Variants in CPSF3 observed in about 807,000 individuals in gnomAD.
The protein encoded by CPSF3 is cleavage and polyadenylation specific factor 3.
Under a neutral mutation model 84.1 loss-of-function variants are expected in CPSF3, and 57 were observed. That is an observed-to-expected ratio of 0.68 (90% confidence interval 0.55 to 0.85). The LOEUF is 0.85. CPSF3 is among the 40% of genes least tolerant of loss of function. CPSF3 has a pLI of 0.00. For synonymous variants in CPSF3, 275 were observed against 278.1 expected (o/e 0.99, Z 0.11); for missense variants, 522 against 838.8 (o/e 0.62, Z 4.66).
intron 1 of CPSF3, 135 bp downstream of exon 1, chr2:9,423,958 G>A (rs1680223389): frequency 6.8e-7 from 1 of 1,460,752 alleles, no homozygotes; most frequent in Admixed American, 2.6e-5. Flanking sequence ...TTGCGGGCCA[G>A]GCTTCTCAGG....
chr2:9,456,899 G>C (rs767378214), intron 13 of CPSF3, 34 bp from the exon 14 acceptor site: 7 of 1,273,748 alleles, frequency 5.5e-6, no homozygotes, highest in South Asian at 5.2e-5. Flanking sequence ...TATCAGAAAA[G>C]TATATACATC....
At chr2:9,440,425 A>G (rs1680930390) in intron 7 of CPSF3, 66 bp from the exon 8 acceptor site, 1 of 1,290,642 alleles carries the variant, frequency 7.7e-7, no homozygotes. Context: ...TGTGTGTATC[A>G]TTTGTTATTT....
chr2:9,470,179 G>T (rs929126875), intron 16 of CPSF3, among the ~76,000 whole-genome samples: 1 of 152,160 alleles, frequency 6.6e-6, no homozygotes, highest in Non-Finnish European at 1.5e-5. Flanking sequence ...CCGAGATCGG[G>T]ACACTGCACT....
chr2:9,423,770 C>G lies in CPSF3; in HGVS notation c.-4C>G, dbSNP rs1680207741. The stretch of plus-strand genomic sequence containing the variant: ...CACCCCCGCTTCGCCCTCACACTTT[C>G]GGGATGTCTGCGATTCCTGCTGAGG... On this transcript the variant is annotated 5_prime_UTR_variant, in exon 1 of 18. Transcript: ENST00000238112. The G allele has an allele frequency of 6.2e-7, 1 of 1,613,520 alleles. No individual in the cohort carries two copies. Among genetic ancestry groups the G allele is most frequent in the African/African-American group, 1.3e-5 (1 of 74,908 alleles).
chr2:9,428,523 C>T (rs529697463), intron 1 of CPSF3, among the ~76,000 whole-genome samples: 3 of 152,310 alleles, frequency 2.0e-5, no homozygotes, highest in Admixed American at 2.0e-4. Flanking sequence ...GTACCGCCTT[C>T]TCTCTTAATT....
At chr2:9,435,806 C>T (rs1275437130) in intron 6 of CPSF3, among the ~76,000 whole-genome samples, 1 of 152,038 alleles carries the variant, frequency 6.6e-6, no homozygotes, top group African/African-American at 2.4e-5. Context: ...GATCTCGGCT[C>T]ACTGCAACCT....
Position 9,471,258 on chromosome 2 carries a change from C to G in CPSF3, c.1857-85C>G, listed in dbSNP as rs187697629. ...GTAAATACAGTATTCTGCTTTAGAACTAGGACCTATCTTCAGTTTTATTTT... is the reference window on the plus strand; with the variant it reads ...GTAAATACAGTATTCTGCTTTAGAAGTAGGACCTATCTTCAGTTTTATTTT... On this transcript the variant is annotated intron_variant, in intron 16 of 17. Coordinates refer to ENST00000238112, the MANE Select transcript of CPSF3 (RefSeq NM_016207.4). The G allele has an allele frequency of 8.6e-5, 70 of 812,898 alleles. 1 individual carries two copies. The African/African-American group carries it at 8.9e-4, about 10-fold the overall frequency. 50.4% of individuals were successfully genotyped at this position (812,898 alleles called of 1,614,324 possible).
intron 12 of CPSF3, among the ~76,000 whole-genome samples, chr2:9,453,448 A>G (rs903537079): frequency 1.3e-5 from 2 of 152,244 alleles, no homozygotes; most frequent in Non-Finnish European, 2.9e-5. Flanking sequence ...AGGAACAAAA[A>G]CTTGTATAAT....
intron 7 of CPSF3, among the ~76,000 whole-genome samples, chr2:9,439,430 G>A (rs373246786): frequency 4.2e-5 from 6 of 142,862 alleles, no homozygotes; most frequent in East Asian, 4.0e-4. Flanking sequence ...CGGAGATCGC[G>A]CCACTGCACT....
chr2:9,473,032 ATG>A lies in CPSF3; in HGVS notation c.*16_*17del. 6.3e-7 allele frequency: 1 copy of A among 1,577,050 alleles called. No homozygotes were observed. The highest frequency in any genetic ancestry group is 1.1e-5 in the South Asian group (1 of 89,560). On this transcript the variant is annotated 3_prime_UTR_variant, in exon 18 of 18. Coordinates refer to ENST00000238112, the MANE Select transcript of CPSF3 (RefSeq NM_016207.4). The stretch of plus-strand genomic sequence containing the variant: ...CAGTTCACTGAGACTGTGCCTGTAT[ATG>A]AACTTTGAAAAAATACTTGACTCTA...
Position 9,443,531 on chromosome 2 carries a change from C to T in CPSF3, c.1112C>T (p.Pro371Leu). The part of the protein sequence containing the change: ...GTLAKHIMSE[P>L]EEITTMSGQK... The stretch of plus-strand genomic sequence containing the variant: ...TTTCCACAGCACATCATGTCTGAAC[C>T]TGAAGAAATCACTACTATGTCTGGA... The change falls in exon 10 of 18, where the codon CCT becomes CTT. Residue 371 changes from proline to leucine, a missense_variant. Around this residue, in one of 2 missense-constraint regions of CPSF3, gnomAD observed 329 missense variants for 607.2 expected, o/e 0.54. Coordinates refer to ENST00000238112, the MANE Select transcript of CPSF3 (RefSeq NM_016207.4). The T allele has an allele frequency of 6.2e-7, 1 of 1,613,334 alleles. No individual in the cohort carries two copies. Among genetic ancestry groups the T allele is most frequent in the Non-Finnish European group, 8.5e-7 (1 of 1,179,448 alleles).
At chr2:9,444,120 G>C (rs565516123) in intron 10 of CPSF3, among the ~76,000 whole-genome samples, 1 of 146,620 alleles carries the variant, frequency 6.8e-6, no homozygotes, top group South Asian at 2.1e-4. Flanking sequence ...CTGGCACATA[G>C]TAAATGCTTA....
chr2:9,466,280 A>ACC (rs1370744869), intron 15 of CPSF3, among the ~76,000 whole-genome samples: 4 of 122,892 alleles, frequency 3.3e-5, no homozygotes, highest in Non-Finnish European at 7.6e-5. Context: ...GCACGCACAC[A>ACC]CGTGCGCACA....
At chr2:9,439,533 C>T (rs943390755) in intron 7 of CPSF3, among the ~76,000 whole-genome samples, 1 of 151,054 alleles carries the variant, frequency 6.6e-6, no homozygotes, top group Non-Finnish European at 1.5e-5. Context: ...AATACATTTT[C>T]AAACTGCAGA....
At chr2:9,430,684 A>G in intron 3 of CPSF3, 68 bp from the exon 4 acceptor site, 1 of 1,458,154 alleles carries the variant, frequency 6.9e-7, no homozygotes, top group Non-Finnish European at 9.4e-7. Flanking sequence ...ACAGTAAGCA[A>G]CAGTTTCATT....
intron 10 of CPSF3, among the ~76,000 whole-genome samples, chr2:9,444,778 G>C (rs953244550): frequency 6.6e-6 from 1 of 152,088 alleles, no homozygotes; most frequent in Non-Finnish European, 1.5e-5. Context: ...CAATTCTCCT[G>C]CCTCAGCCTT....
chr2:9,437,810 G>A (rs957216278), intron 7 of CPSF3, among the ~76,000 whole-genome samples: 4 of 152,164 alleles, frequency 2.6e-5, no homozygotes, highest in African/African-American at 7.2e-5. Flanking sequence ...AGATCAGCCT[G>A]GGCAACAAGG....
intron 17 of CPSF3, among the ~76,000 whole-genome samples, chr2:9,471,678 A>G (rs1376807682): frequency 3.3e-5 from 5 of 151,800 alleles, no homozygotes; most frequent in Non-Finnish European, 5.9e-5. Flanking sequence ...GTCCTCTTCC[A>G]TAATACAGCT....
At chr2:9,462,537 CTCTGCCT>C (rs1200100650) in intron 15 of CPSF3, among the ~76,000 whole-genome samples, 2 of 152,098 alleles carry the variant, frequency 1.3e-5, no homozygotes, top group African/African-American at 2.4e-5. Flanking sequence ...CTGATGAGGG[CTCTGCCT>C]AGCGGTGATG....
Sources: gnomAD v4.1 joint callset for allele counts (sites outside exome capture counted in the v4.1 genomes callset) on GRCh38, gnomAD v4.1.1 for gene constraint, gnomAD v4.1.1 regional missense constraint, MANE v1.5 for transcripts, NCBI Gene and HGNC (gene_info 2026-07-23, HGNC 2026-07-21) for gene names.